NRG1: variants seen among roughly 807,000 people sequenced by gnomAD.
NRG1 encodes pro-neuregulin-1, membrane-bound isoform.
A neutral mutation model predicts 63.8 loss-of-function variants in NRG1; 18 were observed. That is an observed-to-expected ratio of 0.28 (90% CI 0.19 to 0.42). The LOEUF (loss-of-function observed/expected upper bound fraction) is 0.42. NRG1 is among the 10% of genes least tolerant of loss of function. The probability of loss-of-function intolerance (pLI) is 1.00; values close to 1 mark genes in which losing one functional copy is unlikely to be tolerated. For synonymous variants in NRG1, 302 were observed against 301.3 expected (o/e 1.00, Z -0.02); for missense variants, 762 against 814.7 (o/e 0.94, Z 0.79).
intron 1 of NRG1, among the ~76,000 whole-genome samples, chr8:32,100,039 G>A (rs1316731200): frequency 6.6e-6 from 1 of 151,962 alleles, no homozygotes; most frequent in Non-Finnish European, 1.5e-5. Context: ...AATGAGAAGG[G>A]CTTAGGTCAA....
rs572430634 is a variant in NRG1, at chr8:31,702,841, T to C, written c.37+63410T>C. Among the ~76,000 whole-genome samples, 9 of 152,176 alleles carry C rather than the reference T, an allele frequency of 5.9e-5. No homozygotes were observed. In the South Asian group the frequency reaches 8.3e-4, roughly 14 times the overall value. Reference sequence around the variant, plus strand: ...TTAATTTCTGAAAGTTTTGATGATTTCCTCCAAGGCTATAGCTGGAGAAAT... The same window carrying C: ...TTAATTTCTGAAAGTTTTGATGATTCCCTCCAAGGCTATAGCTGGAGAAAT... On this transcript the variant is annotated intron_variant, in intron 1 of 10. Coordinates refer to the NRG1 transcript ENST00000519301.
chr8:32,763,213 A>G (rs749907376), intron 11 of NRG1: 9 of 1,606,320 alleles, frequency 5.6e-6, no homozygotes, highest in South Asian at 4.4e-5. Context: ...TTTTTTTTTC[A>G]TAAGACATAA....
chr8:32,731,186 T>C (rs901144444), intron 6 of NRG1, among the ~76,000 whole-genome samples: 4 of 152,170 alleles, frequency 2.6e-5, no homozygotes, highest in Non-Finnish European at 5.9e-5. Context: ...TGCTGTTCAG[T>C]TTTTTCATTT....
At chr8:32,371,051 A>C (rs910214031) in intron 1 of NRG1, among the ~76,000 whole-genome samples, 2 of 151,674 alleles carry the variant, frequency 1.3e-5, no homozygotes, top group Non-Finnish European at 2.9e-5. Flanking sequence ...GTCTCTACTG[A>C]AAATACAAAA....
At chr8:32,472,382 C>T (rs1823959825) in intron 1 of NRG1, among the ~76,000 whole-genome samples, 1 of 152,180 alleles carries the variant, frequency 6.6e-6, no homozygotes. Context: ...ATTGGTCAGG[C>T]TGGTCTCGAA....
chr8:31,920,270 G>A (rs1334761456), intron 1 of NRG1, among the ~76,000 whole-genome samples: 5 of 149,548 alleles, frequency 3.3e-5, no homozygotes, highest in African/African-American at 1.2e-4. Flanking sequence ...TTGAATTACT[G>A]TCGCTGATTG....
chr8:31,823,070 G>C (rs1448975909), intron 1 of NRG1, among the ~76,000 whole-genome samples: 1 of 149,608 alleles, frequency 6.7e-6, no homozygotes, highest in Non-Finnish European at 1.5e-5. Flanking sequence ...AAAGGTATGT[G>C]TGTGTGTGGT....
intron 1 of NRG1, among the ~76,000 whole-genome samples, chr8:32,384,138 G>A (rs1054940608): frequency 2.6e-5 from 4 of 152,140 alleles, no homozygotes; most frequent in African/African-American, 9.7e-5. Flanking sequence ...TTGGGAAGCT[G>A]AGCTGGGAAG....
intron 1 of NRG1, among the ~76,000 whole-genome samples, chr8:32,436,211 C>A (rs558148815): frequency 6.6e-6 from 1 of 152,250 alleles, no homozygotes; most frequent in Admixed American, 6.5e-5. Context: ...AGGGAAAACA[C>A]CTTATAAAGC....
chr8:32,375,696 T>C (rs909175522), intron 1 of NRG1, among the ~76,000 whole-genome samples: 2 of 152,216 alleles, frequency 1.3e-5, no homozygotes, highest in Non-Finnish European at 2.9e-5. Flanking sequence ...GTCCTGCAAC[T>C]GGAGCTACTA....
chr8:32,694,501 T>G (rs1812719681), intron 5 of NRG1, among the ~76,000 whole-genome samples: 1 of 152,174 alleles, frequency 6.6e-6, no homozygotes, highest in South Asian at 2.1e-4. Context: ...CTCGATCAGT[T>G]CCTTGTTTTT....
chr8:32,160,407 T>A (rs541113172), intron 1 of NRG1, among the ~76,000 whole-genome samples: 3 of 152,146 alleles, frequency 2.0e-5, no homozygotes, highest in Non-Finnish European at 4.4e-5. Flanking sequence ...AAGCAAACCA[T>A]TGTTGTTATT....
chr8:32,621,881 TG>T (rs1848401571), intron 5 of NRG1, among the ~76,000 whole-genome samples: 1 of 152,214 alleles, frequency 6.6e-6, no homozygotes, highest in Non-Finnish European at 1.5e-5. Flanking sequence ...AACGTTTTGC[TG>T]CCTCAAAGAA....
At chr8:31,884,381 C>A (rs1458079372) in intron 1 of NRG1, among the ~76,000 whole-genome samples, 3 of 152,082 alleles carry the variant, frequency 2.0e-5, no homozygotes, top group Admixed American at 1.3e-4. Context: ...GAGTCAACAA[C>A]CATTTTTGAT....
At chr8:31,902,602 G>A (rs1053180850) in intron 1 of NRG1, among the ~76,000 whole-genome samples, 1 of 151,948 alleles carries the variant, frequency 6.6e-6, no homozygotes, top group African/African-American at 2.4e-5. Flanking sequence ...AAAAGGATGG[G>A]TACAAAAGTC....
chr8:32,749,531 CTT>C (rs3832550), intron 7 of NRG1: 1 of 1,611,702 alleles, frequency 6.2e-7, no homozygotes, highest in South Asian at 1.1e-5. Context: ...CCCTTTCTTT[CTT>C]TTTTTTGTCA....
At chr8:31,679,138 T>G (rs1464691195) in intron 1 of NRG1, among the ~76,000 whole-genome samples, 1 of 152,066 alleles carries the variant, frequency 6.6e-6, no homozygotes, top group East Asian at 1.9e-4. Flanking sequence ...GTTCCAGATA[T>G]CCACATGTCT....
intron 1 of NRG1, among the ~76,000 whole-genome samples, chr8:31,943,531 G>GAAATAAAT (rs55983255): frequency 0.044 from 6,476 of 148,598 alleles, 204 homozygotes; most frequent in African/African-American, 0.086. Context: ...AAAACCTATT[G>GAAATAAAT]AAATAAATAA....
chr8:32,429,542 G>A (rs1817863609), intron 1 of NRG1, among the ~76,000 whole-genome samples: 1 of 152,184 alleles, frequency 6.6e-6, no homozygotes, highest in Non-Finnish European at 1.5e-5. Flanking sequence ...GTTAGAACAT[G>A]ACTTGGATTA....
Sources: allele counts gnomAD v4.1 joint callset (sites outside exome capture counted in the v4.1 genomes callset), GRCh38; gene constraint gnomAD v4.1.1; transcripts MANE v1.5; gene names NCBI Gene and HGNC (gene_info 2026-07-23, HGNC 2026-07-21).